VAMP7: variants seen among roughly 807,000 people sequenced by gnomAD.
VAMP7 encodes the protein vesicle associated membrane protein 7.
Under a neutral mutation model 29.6 loss-of-function variants are expected in VAMP7, and 14 were observed. That is an observed-to-expected ratio of 0.47 (90% CI 0.31 to 0.74). VAMP7 has a LOEUF of 0.74. Ranked by LOEUF, VAMP7 falls within the 30% of genes least tolerant of loss-of-function variation. VAMP7 has a pLI of 0.05. For missense variants in VAMP7, 223 were observed against 262.4 expected (o/e 0.85, Z 1.04); for synonymous variants, 95 against 88.1 (o/e 1.08, Z -0.44).
chrX:155,900,828 TATG>T (rs1202718030), intron 5 of VAMP7, among the ~76,000 whole-genome samples: 5 of 152,122 alleles, frequency 3.3e-5, no homozygotes, highest in African/African-American at 1.2e-4. Flanking sequence ...CTAAGAACCT[TATG>T]ATAATTCAGC....
chrX:155,941,808 C>G, intron 7 of VAMP7, 75 bp from the exon 8 acceptor site: 1 of 1,470,160 alleles, frequency 6.8e-7, no homozygotes, highest in East Asian at 2.5e-5. Flanking sequence ...TAATAAGGCT[C>G]TACTTTCCTA....
chrX:155,915,072 C>T (rs1335193249), intron 5 of VAMP7, among the ~76,000 whole-genome samples: 3 of 152,126 alleles, frequency 2.0e-5, no homozygotes, highest in Admixed American at 6.5e-5. Flanking sequence ...GATTTGACTT[C>T]TTCCTGGTTC....
Position 155,911,028 on chromosome X carries a change from G to A in VAMP7, c.434-8785G>A, listed in dbSNP as rs191166778. Among the ~76,000 whole-genome samples, 9 of 152,204 alleles carry A rather than the reference G, an allele frequency of 5.9e-5. No individual in the cohort carries two copies. The East Asian group carries it at 1.7e-3, about 29-fold the overall frequency. ...TCTTTTCCTAGAGCAGTGTTCTGAA[G>A]TGTTTCCCCTATGTTTTCTTCTAGT... On this transcript the variant is annotated intron_variant, in intron 5 of 7. Coordinates refer to ENST00000286448, the MANE Select transcript of VAMP7 (RefSeq NM_005638.6).
At chrX:155,901,747 C>G (rs890252604) in intron 5 of VAMP7, among the ~76,000 whole-genome samples, 1 of 152,010 alleles carries the variant, frequency 6.6e-6, no homozygotes, top group South Asian at 2.1e-4. Flanking sequence ...GTTTTGGTAC[C>G]AGTACCATGC....
chrX:155,902,818 G>T (rs1191709440), intron 5 of VAMP7, among the ~76,000 whole-genome samples: 1 of 149,760 alleles, frequency 6.7e-6, no homozygotes, highest in Non-Finnish European at 1.5e-5. Context: ...AAGGATATTG[G>T]TCTAAAATTC....
chrX:155,908,404 C>G (rs533519947), intron 5 of VAMP7, among the ~76,000 whole-genome samples: 1 of 152,144 alleles, frequency 6.6e-6, no homozygotes, highest in Non-Finnish European at 1.5e-5. Flanking sequence ...CAAAAAAATA[C>G]GAAAACCAGT....
chrX:155,906,273 G>A (rs1418794146), intron 5 of VAMP7, among the ~76,000 whole-genome samples: 23 of 152,104 alleles, frequency 1.5e-4, no homozygotes, highest in Non-Finnish European at 8.8e-5. Flanking sequence ...ATATAAGTCC[G>A]GCCAGCTTTT....
intron 6 of VAMP7, among the ~76,000 whole-genome samples, chrX:155,924,103 C>T (rs368587220): frequency 6.6e-6 from 1 of 151,802 alleles, no homozygotes; most frequent in Admixed American, 6.6e-5. Flanking sequence ...TTTTATTTGC[C>T]GCATCCCTGT....
At chrX:155,907,480 CG>C (rs2066163279) in intron 5 of VAMP7, among the ~76,000 whole-genome samples, 1 of 149,470 alleles carries the variant, frequency 6.7e-6, no homozygotes, top group African/African-American at 2.5e-5. Flanking sequence ...TGACTCTTAA[CG>C]AGCATGCTGC....
At chrX:155,910,075 A>T (rs1713970865) in intron 5 of VAMP7, among the ~76,000 whole-genome samples, 1 of 151,606 alleles carries the variant, frequency 6.6e-6, no homozygotes, top group Non-Finnish European at 1.5e-5. Flanking sequence ...GTACCTATTA[A>T]CCATCCTCTC....
chrX:155,923,811 C>CT (rs1276821967), intron 6 of VAMP7, among the ~76,000 whole-genome samples: 3 of 152,086 alleles, frequency 2.0e-5, no homozygotes, highest in East Asian at 3.9e-4. Flanking sequence ...ATTTTTAAGT[C>CT]TTTTTTCCAC....
At chrX:155,886,837 G>A (rs1447934539) in intron 1 of VAMP7, among the ~76,000 whole-genome samples, 1 of 152,098 alleles carries the variant, frequency 6.6e-6, no homozygotes, top group Non-Finnish European at 1.5e-5. Context: ...ATCGCATACC[G>A]TTGGTTCATA....
chrX:155,926,650 C>A (rs2066471284), intron 6 of VAMP7, among the ~76,000 whole-genome samples: 1 of 152,184 alleles, frequency 6.6e-6, no homozygotes, highest in Non-Finnish European at 1.5e-5. Flanking sequence ...GAGTAGCACT[C>A]CTGATTTCCT....
At chrX:155,927,520 C>T (rs187592088) in intron 6 of VAMP7, among the ~76,000 whole-genome samples, 6,955 of 140,998 alleles carry the variant, frequency 0.049, 308 homozygotes, top group Admixed American at 0.096. Flanking sequence ...CCATGAAGTG[C>T]GATAATGTGA....
intron 5 of VAMP7, among the ~76,000 whole-genome samples, chrX:155,901,198 C>T (rs968925671): frequency 7.2e-4 from 109 of 152,040 alleles, no homozygotes; most frequent in Admixed American, 1.3e-3. Flanking sequence ...GATTAATTAT[C>T]AGGAATGGGA....
rs746850642 is a variant in VAMP7 at position 155,910,645 on chromosome X, C to T, written c.434-9168C>T. Among the ~76,000 whole-genome samples the T allele has an allele frequency of 4.6e-5, 7 of 151,206 alleles. No individual in the cohort carries two copies. In the South Asian group the frequency reaches 1.5e-3, roughly 32 times the overall value. On this transcript the variant is annotated intron_variant, in intron 5 of 7. Transcript: ENST00000286448. ...TGTTATTTTGTATCTTTTTAGTAAC[C>T]ATTCTAACTGGGGTAACATGATATC...
intron 6 of VAMP7, among the ~76,000 whole-genome samples, chrX:155,925,624 C>T (rs957393420): frequency 2.6e-5 from 4 of 152,142 alleles, no homozygotes; most frequent in African/African-American, 4.8e-5. Flanking sequence ...CCTGGAAAGG[C>T]GGAACAACTC....
chrX:155,917,105 T>C (rs2066324285), intron 5 of VAMP7, among the ~76,000 whole-genome samples: 1 of 152,218 alleles, frequency 6.6e-6, no homozygotes, highest in Non-Finnish European at 1.5e-5. Context: ...TTTCATTAAG[T>C]TGATCTACAA....
chrX:155,917,804 G>T (rs2066334794), intron 5 of VAMP7, among the ~76,000 whole-genome samples: 1 of 152,150 alleles, frequency 6.6e-6, no homozygotes, highest in African/African-American at 2.4e-5. Context: ...ACTTGAGGAG[G>T]CAGTCTATAC....
Sources: allele counts gnomAD v4.1 joint callset (sites outside exome capture counted in the v4.1 genomes callset), GRCh38; gene constraint gnomAD v4.1.1; transcripts MANE v1.5; gene names NCBI Gene and HGNC (gene_info 2026-07-23, HGNC 2026-07-21).